Variants in RAD18 observed in about 807,000 individuals in gnomAD.
The protein encoded by RAD18 is RAD18 E3 ubiquitin protein ligase.
Under a neutral mutation model 60.4 loss-of-function variants are expected in RAD18, and 47 were observed. The ratio of observed to expected loss-of-function variants is 0.78; its 90% confidence interval spans 0.62 to 0.99. The LOEUF is 0.99. Ranked by LOEUF, RAD18 falls within the 50% of genes least tolerant of loss-of-function variation. The probability of loss-of-function intolerance (pLI) is 0.00; values close to 1 mark genes in which losing one functional copy is unlikely to be tolerated. For missense variants in RAD18, 640 were observed against 593.3 expected, an observed-to-expected ratio of 1.08 and a Z score of -0.82; for synonymous variants, 225 against 195.5, an observed-to-expected ratio of 1.15 and a Z score of -1.26.
chr3:8,937,906 A>G (rs979427160), intron 6 of RAD18, among the ~76,000 whole-genome samples: 1 of 152,290 alleles, frequency 6.6e-6, no homozygotes, highest in East Asian at 1.9e-4. Flanking sequence ...TTAATTACAC[A>G]TGGACGAGTA....
At chr3:8,918,865 G>A (rs1940258178) in intron 7 of RAD18, among the ~76,000 whole-genome samples, 1 of 152,164 alleles carries the variant, frequency 6.6e-6, no homozygotes, top group African/African-American at 2.4e-5. Context: ...TCCTAGTGCA[G>A]GATGTCCTCC....
chr3:8,887,091 A>G (rs1036272171), intron 12 of RAD18, among the ~76,000 whole-genome samples: 3 of 152,216 alleles, frequency 2.0e-5, no homozygotes, highest in African/African-American at 7.2e-5. Flanking sequence ...AGTGGCACAA[A>G]GGGATTGAGA....
At chr3:8,945,574 C>A (rs1045913863) in intron 4 of RAD18, among the ~76,000 whole-genome samples, 5 of 144,214 alleles carry the variant, frequency 3.5e-5, no homozygotes, top group East Asian at 2.1e-4. Context: ...CTGGTTCAAG[C>A]GATTCTCCTG....
chr3:8,957,055 G>C (rs892402959), intron 2 of RAD18, among the ~76,000 whole-genome samples: 22 of 152,092 alleles, frequency 1.4e-4, no homozygotes, highest in African/African-American at 5.1e-4. Context: ...AAATTTCTAA[G>C]GAATCAACAA....
chr3:8,959,082 C>CA, intron 1 of RAD18, 81 bp from the exon 2 acceptor site: 1 of 1,076,016 alleles, frequency 9.3e-7, no homozygotes, highest in Admixed American at 1.9e-5. Flanking sequence ...TCTCTATCCC[C>CA]TAAAAAAAAA....
At position 8,948,528 on chromosome 3, in the gene RAD18, T is replaced by C. The variant is rs752476696; in HGVS notation, c.176A>G (p.Gln59Arg). Residue 59 changes from glutamine (Q) to arginine (R), a missense_variant, in exon 3 of 13, where the codon CAG becomes CGG. By Grantham distance (43) the Gln-to-Arg change is conservative (BLOSUM62 1). Transcript: ENST00000264926. ...ACTCACCACACAGCAAGTTGGACAC[T>C]GAGTTTTATAGGACAGAAATTTTCT... The part of the protein sequence containing the change: ...CIRKFLSYKT[Q>R]CPTCCVTVTE... The C allele has an allele frequency of 8.7e-6, 14 of 1,612,936 alleles. No homozygotes were observed. The highest frequency in any genetic ancestry group is 1.2e-5 in the Non-Finnish European group (14 of 1,179,274).
chr3:8,954,269 C>A (rs564521596), intron 2 of RAD18, among the ~76,000 whole-genome samples: 1 of 152,314 alleles, frequency 6.6e-6, no homozygotes, highest in Non-Finnish European at 1.5e-5. Context: ...TTAGATGTTT[C>A]TTTCTAAAAA....
At chr3:8,904,480 G>A (rs1164827768) in intron 9 of RAD18, among the ~76,000 whole-genome samples, 1 of 152,064 alleles carries the variant, frequency 6.6e-6, no homozygotes. Flanking sequence ...CTAATGTTGG[G>A]CTATAAAATG....
At chr3:8,932,696 C>G (rs951647127) in intron 7 of RAD18, among the ~76,000 whole-genome samples, 1 of 152,152 alleles carries the variant, frequency 6.6e-6, no homozygotes, top group Non-Finnish European at 1.5e-5. Flanking sequence ...TTCATAACAG[C>G]TTTACTGATA....
rs1228337039 is a variant in RAD18, at chr3:8,877,662, T to C, written c.*3695A>G. On this transcript the variant is annotated 3_prime_UTR_variant, in exon 13 of 13. Transcript: ENST00000264926. ...TGTTGCACTCATCACAGTTGTACATTAATCTATATAATTACTTAATGCTCA... is the reference window on the plus strand; with the variant it reads ...TGTTGCACTCATCACAGTTGTACATCAATCTATATAATTACTTAATGCTCA... The C allele has an allele frequency of 6.6e-6, 1 of 152,246 alleles. No homozygotes were observed. 9.4% of individuals were successfully genotyped at this position (152,246 alleles called of 1,614,324 possible). A position where few individuals can be genotyped will look rare whatever the true frequency, so the allele number is the denominator to read the frequency against.
chr3:8,939,417 C>T, intron 6 of RAD18, 137 bp downstream of exon 6: 1 of 611,848 alleles, frequency 1.6e-6, no homozygotes, highest in Non-Finnish European at 2.7e-6. Flanking sequence ...AAGAAGTGGC[C>T]AACAGGAGTA....
intron 7 of RAD18, among the ~76,000 whole-genome samples, chr3:8,930,760 T>C (rs1021672785): frequency 1.3e-4 from 20 of 152,252 alleles, no homozygotes; most frequent in African/African-American, 2.9e-4. Flanking sequence ...CACTTAATAG[T>C]GAAAGACTAA....
In RAD18 at chr3:8,913,664, C is replaced by A. The variant is rs1940144274; in HGVS notation, c.946G>T (p.Ala316Ser). Reference sequence around the variant, plus strand: ...CATACACTTTCATTGAGTTTACTAGCTTCAAGACGCATCCTAGTCTTCTCT... The same window carrying A: ...CATACACTTTCATTGAGTTTACTAGATTCAAGACGCATCCTAGTCTTCTCT... The part of the protein sequence containing the change: ...NIEKTRMRLE[A>S]SKLNESVMVF... Residue 316 changes from alanine to serine, a missense_variant, in exon 8 of 13, where the codon GCT becomes TCT. Transcript: ENST00000264926. 6.4e-7 allele frequency: 1 copy of A among 1,571,996 alleles called. No individual in the cohort carries two copies. The highest frequency in any genetic ancestry group is 8.6e-7 in the Non-Finnish European group (1 of 1,156,602).
At position 8,883,065 on chromosome 3, in the gene RAD18, A is replaced by G. The variant is rs150521856; in HGVS notation, c.1386-1606T>C. ...TTAGTGAACTTGAAGGTATGTCAAT[A>G]AAAACCAGATTAAGATACAAAGAGA... On this transcript the variant is annotated intron_variant, in intron 12 of 12. Coordinates refer to ENST00000264926, the MANE Select transcript of RAD18 (RefSeq NM_020165.4). Among the ~76,000 whole-genome samples, 1,077 of 152,372 alleles carry G rather than the reference A, an allele frequency of 7.1e-3. 8 individuals carry two copies. The highest frequency in any genetic ancestry group is 0.025 in the African/African-American group (1,023 of 41,592).
At chr3:8,897,817 G>C (rs1939818136) in intron 11 of RAD18, among the ~76,000 whole-genome samples, 1 of 152,122 alleles carries the variant, frequency 6.6e-6, no homozygotes, top group South Asian at 2.1e-4. Flanking sequence ...TGTAATTCCA[G>C]CACTTTGGGA....
chr3:8,908,520 G>A (rs768287619), intron 9 of RAD18, among the ~76,000 whole-genome samples: 2 of 152,102 alleles, frequency 1.3e-5, no homozygotes, highest in Admixed American at 6.5e-5. Flanking sequence ...GATCCTTCCT[G>A]CATGGCCCTG....
chr3:8,892,079 A>C (rs1939700262), intron 11 of RAD18, among the ~76,000 whole-genome samples: 1 of 152,226 alleles, frequency 6.6e-6, no homozygotes. Flanking sequence ...TTGAGGATCA[A>C]AAATTCCTTT....
intron 7 of RAD18, among the ~76,000 whole-genome samples, chr3:8,925,125 G>A (rs961273689): frequency 6.6e-6 from 1 of 152,044 alleles, no homozygotes; most frequent in Non-Finnish European, 1.5e-5. Flanking sequence ...TCCAGGAGCT[G>A]GTTTTTTGAA....
At chr3:8,919,568 A>G (rs1940275268) in intron 7 of RAD18, among the ~76,000 whole-genome samples, 1 of 152,240 alleles carries the variant, frequency 6.6e-6, no homozygotes, top group Admixed American at 6.5e-5. Context: ...ATGTATATAT[A>G]TGCATACATG....
Sources: gnomAD v4.1 joint callset for allele counts (sites outside exome capture counted in the v4.1 genomes callset) on GRCh38, gnomAD v4.1.1 for gene constraint, MANE v1.5 for transcripts, NCBI Gene and HGNC (gene_info 2026-07-23, HGNC 2026-07-21) for gene names.